The following GFRA3 variants were observed in gnomAD, a reference collection of about 807,000 sequenced individuals.
GFRA3 encodes GDNF family receptor alpha-3.
In GFRA3, 24 loss-of-function variants were observed where a neutral mutation model predicts 40.0. The ratio of observed to expected loss-of-function variants is 0.60; its 90% confidence interval spans 0.43 to 0.84. GFRA3 has a LOEUF of 0.84. Among genes scored for constraint, GFRA3 ranks in the 40% least tolerant of loss-of-function variants. GFRA3 has a pLI of 0.00. For synonymous variants in GFRA3, 203 were observed against 213.5 expected, an observed-to-expected ratio of 0.95 and a Z score of 0.43; for missense variants, 405 against 530.6, an observed-to-expected ratio of 0.76 and a Z score of 2.33.
intron 2 of GFRA3, among the ~76,000 whole-genome samples, chr5:138,260,720 G>C (rs1262499361): frequency 6.6e-6 from 1 of 151,694 alleles, no homozygotes; most frequent in Admixed American, 6.6e-5. Context: ...AGTGAGCCAA[G>C]ATCATGCCAC....
chr5:138,252,678 C>T lies in GFRA3; in HGVS notation c.*290G>A. On this transcript the variant is annotated 3_prime_UTR_variant, in exon 8 of 8. Transcript: ENST00000274721. The stretch of plus-strand genomic sequence containing the variant: ...GCTAACTTATTAGATTCTGGTGATC[C>T]TGGTAGTCAAGAGGAAGGGCTCAGA... The T allele has an allele frequency of 1.0e-5, 3 of 296,100 alleles. No homozygotes were observed. The South Asian group carries it at 1.9e-4, about 19-fold the overall frequency. 18.3% of individuals were successfully genotyped at this position (296,100 alleles called of 1,614,324 possible). A position where few individuals can be genotyped will look rare whatever the true frequency, so the allele number is the denominator to read the frequency against.
chr5:138,257,770 G>A lies in GFRA3; in HGVS notation c.654C>T (p.Cys218=). 2 of 1,611,486 alleles carry A rather than the reference G, an allele frequency of 1.2e-6. No individual in the cohort carries two copies. The highest frequency in any genetic ancestry group is 1.7e-6 in the Non-Finnish European group (2 of 1,178,588). The change falls in exon 4 of 8, where the codon TGC becomes TGT. Residue 218 remains cysteine (C), a synonymous_variant. Transcript: ENST00000274721. The part of the protein sequence containing the change: ...AEPHAQGLLL[C]PCAPNDRGCG... Reference sequence around the variant, plus strand: ...AGCCCCGGTCGTTGGGGGCACATGGGCACAGTAGCAGGCCCTGCGCGTGGG... The same window carrying A: ...AGCCCCGGTCGTTGGGGGCACATGGACACAGTAGCAGGCCCTGCGCGTGGG...
In GFRA3 at chr5:138,253,314, G is replaced by T; in HGVS notation, c.1086C>A (p.His362Gln). The change falls in exon 7 of 8, where the codon CAC becomes CAA. Residue 362 changes from histidine to glutamine, a missense_variant. By Grantham distance (24) the His-to-Gln change is conservative (BLOSUM62 0). Coordinates refer to ENST00000274721, the MANE Select transcript of GFRA3 (RefSeq NM_001496.4). ...GGTGTGCCATCACAGCAAAGGTAGG[G>T]TGTGGCCAGTCCTGGGAGAAGAGTT... The part of the protein sequence containing the change: ...HSQLFSQDWP[H>Q]PTFAVMAHQN... The T allele has an allele frequency of 6.2e-7, 1 of 1,601,764 alleles. No homozygotes were observed. The highest frequency in any genetic ancestry group is 1.1e-5 in the South Asian group (1 of 88,460).
At chr5:138,258,495 T>A (rs1250177801) in intron 3 of GFRA3, among the ~76,000 whole-genome samples, 1 of 152,112 alleles carries the variant, frequency 6.6e-6, no homozygotes, top group Non-Finnish European at 1.5e-5. Flanking sequence ...CTCCTCATCT[T>A]GACTACGTAA....
chr5:138,272,450 G>A (rs941198747), intron 1 of GFRA3, among the ~76,000 whole-genome samples: 1 of 148,144 alleles, frequency 6.8e-6, no homozygotes, highest in African/African-American at 2.5e-5. Context: ...ATCAGCCTGG[G>A]CATCCGAGAT....
At chr5:138,267,327 G>A (rs2126618757) in intron 1 of GFRA3, 1 of 152,108 alleles carries the variant, frequency 6.6e-6, no homozygotes, top group Admixed American at 6.6e-5. Context: ...AAGTAGCTGG[G>A]ATTACAGGCA....
At position 138,264,473 on chromosome 5, in the gene GFRA3, G is replaced by A. The variant is rs971039030; in HGVS notation, c.167C>T (p.Thr56Ile). Residue 56 changes from threonine (T) to isoleucine (I), a missense_variant, in exon 2 of 8, where the codon ACC becomes ATC. Coordinates refer to ENST00000274721, the MANE Select transcript of GFRA3 (RefSeq NM_001496.4). ...QARRKCQADP[T>I]CSAAYHHLDS... The stretch of plus-strand genomic sequence containing the variant: ...CAGGTGGTGGTAGGCAGCACTGCAG[G>A]TGGGATCAGCCTGGCACTTCCTCCT... 3 of 1,613,194 alleles carry A rather than the reference G, an allele frequency of 1.9e-6. No individual in the cohort carries two copies. Among genetic ancestry groups the A allele is most frequent in the Admixed American group, 3.3e-5 (2 of 59,998 alleles).
intron 4 of GFRA3, among the ~76,000 whole-genome samples, chr5:138,257,410 T>C (rs1236653963): frequency 6.6e-6 from 1 of 152,248 alleles, no homozygotes; most frequent in Non-Finnish European, 1.5e-5. Flanking sequence ...TTTAATGATT[T>C]TTTAAAATAC....
intron 1 of GFRA3, among the ~76,000 whole-genome samples, chr5:138,265,136 A>G (rs1285664200): frequency 6.7e-6 from 1 of 148,398 alleles, no homozygotes; most frequent in Non-Finnish European, 1.5e-5. Flanking sequence ...CCTAGGATTT[A>G]GGGTGCTCAA....
intron 3 of GFRA3, among the ~76,000 whole-genome samples, chr5:138,259,122 ACT>A (rs1189076502): frequency 6.6e-6 from 1 of 152,020 alleles, no homozygotes; most frequent in African/African-American, 2.4e-5. Flanking sequence ...GCAGAGTCAC[ACT>A]CTCTTTTCCT....
chr5:138,254,186 TC>T (rs751052784), intron 4 of GFRA3, 26 bp from the exon 5 acceptor site: 65 of 1,310,946 alleles, frequency 5.0e-5, no homozygotes, highest in Admixed American at 1.6e-4. Flanking sequence ...TTTCTGTCTT[TC>T]TTTTTTTTTT....
chr5:138,266,662 C>A (rs1755788982), intron 1 of GFRA3, among the ~76,000 whole-genome samples: 1 of 149,492 alleles, frequency 6.7e-6, no homozygotes, highest in African/African-American at 2.4e-5. Context: ...ATCTTCATTT[C>A]TTTTTCTTTC....
intron 4 of GFRA3, among the ~76,000 whole-genome samples, chr5:138,256,310 C>T (rs895601037): frequency 1.5e-4 from 23 of 150,666 alleles, no homozygotes; most frequent in Non-Finnish European, 3.1e-4. Context: ...GGGCGGATCA[C>T]GAGGTTAGGA....
intron 1 of GFRA3, among the ~76,000 whole-genome samples, chr5:138,264,997 C>T (rs1201023528): frequency 2.0e-5 from 3 of 151,838 alleles, no homozygotes; most frequent in African/African-American, 7.3e-5. Flanking sequence ...TTTAAAAATA[C>T]CTGAAGGTGG....
chr5:138,271,731 A>G (rs1366379105), intron 1 of GFRA3, among the ~76,000 whole-genome samples: 1 of 148,664 alleles, frequency 6.7e-6, no homozygotes, highest in African/African-American at 2.6e-5. Context: ...TGCATGCACT[A>G]CCACGCCCAG....
intron 4 of GFRA3, among the ~76,000 whole-genome samples, chr5:138,254,993 G>C (rs1043161770): frequency 6.7e-6 from 1 of 148,584 alleles, no homozygotes; most frequent in African/African-American, 2.5e-5. Flanking sequence ...AGAAAAGAGA[G>C]AAGAGAAGAG....
Position 138,252,872 on chromosome 5 carries a change from T to C in GFRA3, c.*96A>G, listed in dbSNP as rs1755567992. 2.8e-6 allele frequency: 2 copies of C among 710,592 alleles called. No homozygotes were observed. Among genetic ancestry groups the C allele is most frequent in the Non-Finnish European group, 2.5e-6 (1 of 392,716 alleles). 44.0% of individuals were successfully genotyped at this position (710,592 alleles called of 1,614,324 possible). On this transcript the variant is annotated 3_prime_UTR_variant, in exon 8 of 8. Transcript: ENST00000274721. ...TTCTCCTGTGCCCTCATCTGCGCAC[T>C]GCACCTCCTTCCTGCTGCTGTCCTT...
At chr5:138,267,942 G>A (rs897638750) in intron 1 of GFRA3, among the ~76,000 whole-genome samples, 8 of 152,254 alleles carry the variant, frequency 5.3e-5, no homozygotes, top group African/African-American at 1.9e-4. Flanking sequence ...CCACATGTAG[G>A]AGAATGAAAC....
At chr5:138,263,142 T>A (rs1755735659) in intron 2 of GFRA3, among the ~76,000 whole-genome samples, 1 of 151,968 alleles carries the variant, frequency 6.6e-6, no homozygotes, top group East Asian at 1.9e-4. Flanking sequence ...ATTTTTTGTA[T>A]TTTTAGTAGA....
Sources: gnomAD v4.1 joint callset for allele counts (sites outside exome capture counted in the v4.1 genomes callset) on GRCh38, gnomAD v4.1.1 for gene constraint, MANE v1.5 for transcripts, NCBI Gene and HGNC (gene_info 2026-07-23, HGNC 2026-07-21) for gene names.